Variants in TCF7L1 observed in about 807,000 individuals in gnomAD.
TCF7L1 encodes transcription factor 7-like 1.
Under a neutral mutation model 63.7 loss-of-function variants are expected in TCF7L1, and 18 were observed. The observed-to-expected ratio is 0.28, with a 90% confidence interval of 0.20 to 0.42. The LOEUF (loss-of-function observed/expected upper bound fraction) is 0.42, where lower values mean the gene tolerates loss of function less well. TCF7L1 is among the 10% of genes least tolerant of loss of function. The pLI, the probability that TCF7L1 is intolerant of heterozygous loss-of-function variation, is 1.00. For synonymous variants in TCF7L1, 355 were observed against 340.9 expected (o/e 1.04, Z -0.46); for missense variants, 654 against 779.3 (o/e 0.84, Z 1.91).
chr2:85,219,253 A>G lies in TCF7L1; in HGVS notation c.442-64242A>G, dbSNP rs115432706. 9.1e-3 allele frequency among the ~76,000 whole-genome samples: 1,379 copies of G among 152,338 alleles called. 15 individuals are homozygous for G. The highest frequency in any genetic ancestry group is 0.015 in the South Asian group (70 of 4,826). On this transcript the variant is annotated intron_variant, in intron 3 of 11. Transcript: ENST00000282111. ...GCAGACTAAAACAATGAGACGGCAA[A>G]AGTTAAAGTCTAAGCATACTGGTGT... is the stretch of plus-strand genomic sequence containing the variant.
At chr2:85,239,793 A>C (rs1680281083) in intron 3 of TCF7L1, among the ~76,000 whole-genome samples, 2 of 151,772 alleles carry the variant, frequency 1.3e-5, no homozygotes, top group African/African-American at 4.8e-5. Flanking sequence ...AAATACAAAA[A>C]ATTTAGCCGG....
At chr2:85,298,505 A>C (rs895282978) in intron 4 of TCF7L1, among the ~76,000 whole-genome samples, 6 of 143,768 alleles carry the variant, frequency 4.2e-5, no homozygotes, top group Non-Finnish European at 7.6e-5. Flanking sequence ...AAAAAAAAGC[A>C]TGTGAGAGAG....
intron 3 of TCF7L1, among the ~76,000 whole-genome samples, chr2:85,266,158 C>T (rs181116365): frequency 4.9e-4 from 74 of 152,322 alleles, no homozygotes; most frequent in Admixed American, 1.2e-3. Flanking sequence ...ATCATAATTG[C>T]AGCATAAGGC....
chr2:85,227,953 C>T (rs1573000237), intron 3 of TCF7L1, among the ~76,000 whole-genome samples: 1 of 140,046 alleles, frequency 7.1e-6, no homozygotes, highest in East Asian at 2.2e-4. Flanking sequence ...GATCTCCCTA[C>T]TGCACTCCAG....
intron 3 of TCF7L1, chr2:85,262,395 A>G (rs975467825): frequency 2.1e-4 from 80 of 389,162 alleles, no homozygotes; most frequent in African/African-American, 1.7e-3. Context: ...CTTAAAAGAA[A>G]AAAAAAAAAA....
rs1484968787 is a variant in TCF7L1, at chr2:85,309,542, T to C, written c.*80T>C. On this transcript the variant is annotated 3_prime_UTR_variant, in exon 12 of 12. Transcript: ENST00000282111. ...GAAGAAAAAGAAAAAGGAGACTTTA[T>C]TGGTCAATATTTGACCACTCTGGAC... 4 of 1,442,198 alleles carry C rather than the reference T, an allele frequency of 2.8e-6. No homozygotes were observed. The highest frequency in any genetic ancestry group is 3.7e-6 in the Non-Finnish European group (4 of 1,077,374). The allele number at this position is 1,442,198 out of a possible 1,614,324, so 89.3% of individuals were successfully genotyped here. A position where few individuals can be genotyped will look rare whatever the true frequency, so the allele number is the denominator to read the frequency against.
At chr2:85,199,509 A>T (rs1679226570) in intron 3 of TCF7L1, among the ~76,000 whole-genome samples, 1 of 152,224 alleles carries the variant, frequency 6.6e-6, no homozygotes, top group African/African-American at 2.4e-5. Context: ...CAGGCTGCAC[A>T]TTAGAGTCAA....
chr2:85,145,882 T>C (rs1425208969), intron 3 of TCF7L1, among the ~76,000 whole-genome samples: 1 of 152,010 alleles, frequency 6.6e-6, no homozygotes, highest in East Asian at 1.9e-4. Flanking sequence ...TTTTGTTTAT[T>C]TAAAAAAAAA....
At chr2:85,135,931 AGGG>A (rs56107490) in intron 3 of TCF7L1, among the ~76,000 whole-genome samples, 50 of 143,790 alleles carry the variant, frequency 3.5e-4, no homozygotes, top group African/African-American at 1.1e-3. Flanking sequence ...TGCCAATCAA[AGGG>A]GGGGGGGGAT....
chr2:85,305,314 G>C lies in TCF7L1; in HGVS notation c.900G>C (p.Leu300=), dbSNP rs779519848. ...TGGTGGCTCCTGCCCACCCTGGCCT[G>C]CCCACCTCAGGGATCCCCCACCCTG... is the stretch of plus-strand genomic sequence containing the variant. The part of the protein sequence containing the change: ...PHMVAPAHPG[L]PTSGIPHPAI... Residue 300 remains leucine, a synonymous_variant, in exon 8 of 12, where the codon CTG becomes CTC. Transcript: ENST00000282111. 6.2e-7 allele frequency: 1 copy of C among 1,613,696 alleles called. No homozygotes were observed. The highest frequency in any genetic ancestry group is 1.3e-5 in the African/African-American group (1 of 74,770).
intron 3 of TCF7L1, 91 bp from the exon 4 acceptor site, chr2:85,283,404 C>G: frequency 7.1e-7 from 1 of 1,408,944 alleles, no homozygotes; most frequent in South Asian, 1.2e-5. Flanking sequence ...AATGGCCTGC[C>G]CCGGTGCCCT....
rs148715748 is a variant in TCF7L1, at chr2:85,239,901, G to A, written c.442-43594G>A. 8.9e-3 allele frequency among the ~76,000 whole-genome samples: 1,285 copies of A among 143,820 alleles called. 21 individuals carry two copies. Among genetic ancestry groups the A allele is most frequent in the African/African-American group, 0.032 (1,211 of 38,242 alleles). 94.4% of individuals were successfully genotyped at this position (143,820 alleles called of 152,430 possible). A position where few individuals can be genotyped will look rare whatever the true frequency, so the allele number is the denominator to read the frequency against. ...GCAGAGGTTGCAATGAGCCAAGATC[G>A]CGCCACTGCACTCCAGCCTGGGCAA... On this transcript the variant is annotated intron_variant, in intron 3 of 11. Coordinates refer to ENST00000282111, the MANE Select transcript of TCF7L1 (RefSeq NM_031283.3).
intron 3 of TCF7L1, among the ~76,000 whole-genome samples, chr2:85,184,282 A>C: frequency 6.6e-6 from 1 of 152,200 alleles, no homozygotes; most frequent in East Asian, 1.9e-4. Flanking sequence ...AGGACGCTGC[A>C]GTCAGCAGAT....
rs1362637708 is a variant in TCF7L1 at position 85,204,958 on chromosome 2, G to A, written c.441+70508G>A. 2.7e-5 allele frequency: 4 copies of A among 150,326 alleles called. 1 individual carries two copies. The South Asian group carries it at 6.4e-4, about 24-fold the overall frequency. 9.3% of individuals were successfully genotyped at this position (150,326 alleles called of 1,614,324 possible). A position where few individuals can be genotyped will look rare whatever the true frequency, so the allele number is the denominator to read the frequency against. ...CTTTGACAGCACATAAACTAAAATT[G>A]GAACAGTACAGAGAAGAGTAGCATG... On this transcript the variant is annotated intron_variant, in intron 3 of 11. Coordinates refer to ENST00000282111, the MANE Select transcript of TCF7L1 (RefSeq NM_031283.3).
At chr2:85,149,865 C>T (rs745792816) in intron 3 of TCF7L1, among the ~76,000 whole-genome samples, 9 of 152,092 alleles carry the variant, frequency 5.9e-5, no homozygotes, top group African/African-American at 9.7e-5. Context: ...AAGTTGCAGG[C>T]GTAATGTCCC....
chr2:85,251,806 CTCACGCCTGTAA>C (rs1573010452), intron 3 of TCF7L1, among the ~76,000 whole-genome samples: 1 of 152,312 alleles, frequency 6.6e-6, no homozygotes. Context: ...GGTGCAGTGG[CTCACGCCTGTAA>C]TCCCAGTATT....
chr2:85,221,492 A>G (rs1679839142), intron 3 of TCF7L1, among the ~76,000 whole-genome samples: 1 of 152,354 alleles, frequency 6.6e-6, no homozygotes, highest in Admixed American at 6.5e-5. Context: ...GTCCAAGGGC[A>G]TAGTGCCGAC....
chr2:85,299,771 A>C (rs977470270), intron 4 of TCF7L1, among the ~76,000 whole-genome samples: 3 of 150,502 alleles, frequency 2.0e-5, no homozygotes, highest in Admixed American at 6.7e-5. Flanking sequence ...AGGTGGGAGG[A>C]TTGCTTGAGC....
intron 11 of TCF7L1, among the ~76,000 whole-genome samples, chr2:85,308,478 C>CATT (rs1558663586): frequency 6.6e-4 from 33 of 49,908 alleles, no homozygotes; most frequent in South Asian, 1.5e-3. Flanking sequence ...TCCCTCTCCC[C>CATT]CTCCTTCCCT....
Sources: allele counts gnomAD v4.1 joint callset (sites outside exome capture counted in the v4.1 genomes callset), GRCh38; gene constraint gnomAD v4.1.1; transcripts MANE v1.5; gene names NCBI Gene and HGNC (gene_info 2026-07-23, HGNC 2026-07-21).